SLC8B1: variants seen among roughly 807,000 people sequenced by gnomAD.
The protein encoded by SLC8B1 is mitochondrial sodium/calcium exchanger protein.
A neutral mutation model predicts 63.4 loss-of-function variants in SLC8B1; 52 were observed. That is an observed-to-expected ratio of 0.82 (90% confidence interval 0.66 to 1.03). The LOEUF is 1.03. Ranked by LOEUF, SLC8B1 falls within the 50% of genes least tolerant of loss-of-function variation. The pLI is 0.00. For synonymous variants in SLC8B1, 336 were observed against 323.9 expected, an observed-to-expected ratio of 1.04 and a Z score of -0.40; for missense variants, 657 against 741.7, an observed-to-expected ratio of 0.89 and a Z score of 1.33.
In SLC8B1 at chr12:113,299,720, C is replaced by A; in HGVS notation, c.*57G>T. Reference sequence around the variant, plus strand: ...AATGCTCCGGTCCCTGGGCCTCCCCCGGCAGGAGGGGCGGGGCTCCTGCCT... The same window carrying A: ...AATGCTCCGGTCCCTGGGCCTCCCCAGGCAGGAGGGGCGGGGCTCCTGCCT... On this transcript the variant is annotated 3_prime_UTR_variant, in exon 16 of 16. Transcript: ENST00000680972. 1.3e-6 allele frequency: 2 copies of A among 1,560,526 alleles called. No homozygotes were observed. Among genetic ancestry groups the A allele is most frequent in the South Asian group, 2.2e-5 (2 of 89,512 alleles).
At chr12:113,303,141 A>ACACACACACACACGCGCG (rs773636454) in intron 15 of SLC8B1, among the ~76,000 whole-genome samples, 10 of 145,746 alleles carry the variant, frequency 6.9e-5, no homozygotes, top group African/African-American at 2.6e-4. Context: ...ACACACACAC[A>ACACACACACACACGCGCG]CGCGCGCGCA....
Position 113,302,580 on chromosome 12 carries a change from G to A in SLC8B1, c.1557+1741C>T, listed in dbSNP as rs146885003. 2.5e-3 allele frequency: 1,145 copies of A among 454,058 alleles called. 9 individuals carry two copies. The highest frequency in any genetic ancestry group is 0.019 in the African/African-American group (970 of 50,136). 28.1% of individuals were successfully genotyped at this position (454,058 alleles called of 1,614,324 possible). A position where few individuals can be genotyped will look rare whatever the true frequency, so the allele number is the denominator to read the frequency against. Reference sequence around the variant, plus strand: ...AAAGGGACTGAAATGTCCCCTCCCCGCTTCTCTTCCTTCCACACTTAGCAG... The same window carrying A: ...AAAGGGACTGAAATGTCCCCTCCCCACTTCTCTTCCTTCCACACTTAGCAG... On this transcript the variant is annotated intron_variant, in intron 15 of 15. Transcript: ENST00000680972.
At chr12:113,316,456 G>A in intron 10 of SLC8B1, 70 bp downstream of exon 10, 1 of 1,566,516 alleles carries the variant, frequency 6.4e-7, no homozygotes, top group Non-Finnish European at 8.7e-7. Context: ...TCGTAGAGCT[G>A]GAGAGGGTAG....
intron 11 of SLC8B1, among the ~76,000 whole-genome samples, chr12:113,311,137 C>T (rs759453430): frequency 1.1e-4 from 16 of 151,792 alleles, no homozygotes; most frequent in Non-Finnish European, 1.9e-4. Flanking sequence ...CAACATGGTG[C>T]AACCCCATCT....
chr12:113,304,458 T>C lies in SLC8B1; in HGVS notation c.1493-73A>G, dbSNP rs1475724039. 37 of 1,394,788 alleles carry C rather than the reference T, an allele frequency of 2.7e-5. No homozygotes were observed. The East Asian group carries it at 5.1e-4, about 19-fold the overall frequency. The allele number at this position is 1,394,788 out of a possible 1,614,324, so 86.4% of individuals were successfully genotyped here. Reference sequence around the variant, plus strand: ...CAACCACATAGCCCGTTCCTCCTACTGTGTTCATCCCCAGGGCTTGGGATG... The same window carrying C: ...CAACCACATAGCCCGTTCCTCCTACCGTGTTCATCCCCAGGGCTTGGGATG... On this transcript the variant is annotated intron_variant, in intron 14 of 15. Transcript: ENST00000680972.
intron 1 of SLC8B1, among the ~76,000 whole-genome samples, chr12:113,334,153 T>C (rs1446695603): frequency 1.3e-5 from 2 of 152,212 alleles, no homozygotes; most frequent in African/African-American, 2.4e-5. Flanking sequence ...GTCACCACCA[T>C]GTGCCTCTTC....
intron 2 of SLC8B1, among the ~76,000 whole-genome samples, chr12:113,330,291 G>T (rs894295876): frequency 6.6e-6 from 1 of 152,210 alleles, no homozygotes; most frequent in African/African-American, 2.4e-5. Context: ...TAAGGTAAGG[G>T]GCTGGGGGGG....
chr12:113,306,446 C>A, intron 14 of SLC8B1, 49 bp downstream of exon 14: 1 of 1,494,442 alleles, frequency 6.7e-7, no homozygotes, highest in South Asian at 1.3e-5. Context: ...ACACCCCACC[C>A]ACGGCTGTGA....
At chr12:113,328,017 G>A (rs73192858) in intron 2 of SLC8B1, among the ~76,000 whole-genome samples, 17,336 of 148,500 alleles carry the variant, frequency 0.12, 1,198 homozygotes, top group African/African-American at 0.19. Context: ...CATCATCTAA[G>A]TTTTAATTAT....
At chr12:113,326,726 G>C (rs2136864371) in intron 2 of SLC8B1, among the ~76,000 whole-genome samples, 1 of 151,420 alleles carries the variant, frequency 6.6e-6, no homozygotes, top group Middle Eastern at 3.4e-3. Context: ...GCCCAGGCTG[G>C]AGTGCAGAAG....
chr12:113,306,361 C>G, intron 14 of SLC8B1, 134 bp downstream of exon 14: 1 of 659,488 alleles, frequency 1.5e-6, no homozygotes, highest in Non-Finnish European at 2.5e-6. Context: ...AGCCTTGGAG[C>G]CTGAGGCTCA....
chr12:113,320,561 C>G lies in SLC8B1; in HGVS notation c.526+20G>C, dbSNP rs376480508. 1.1e-5 allele frequency: 17 copies of G among 1,613,916 alleles called. No individual in the cohort carries two copies. Among genetic ancestry groups the G allele is most frequent in the African/African-American group, 2.7e-5 (2 of 74,944 alleles). ...CTCTCCTGCTGCTTTCCCCGCCCCC[C>G]TCACTGGGGCTGCTCTCACCAAACA... On this transcript the variant is annotated intron_variant, in intron 6 of 15. Coordinates refer to ENST00000680972, the MANE Select transcript of SLC8B1 (RefSeq NM_001358345.2). The surrounding 1 kb of genome is among the most constrained non-coding windows in gnomAD (Gnocchi z 5.3).
rs1236112536 is a variant in SLC8B1 at position 113,302,781 on chromosome 12, C to T, written c.1557+1540G>A. 6.8e-5 allele frequency: 31 copies of T among 454,850 alleles called. No homozygotes were observed. In the Middle Eastern group the frequency reaches 9.7e-4, roughly 14 times the overall value. The allele number at this position is 454,850 out of a possible 1,614,324, so 28.2% of individuals were successfully genotyped here. On this transcript the variant is annotated intron_variant, in intron 15 of 15. Coordinates refer to ENST00000680972, the MANE Select transcript of SLC8B1 (RefSeq NM_001358345.2). ...TGCAAGCTCTTAACCAATGCCTATC[C>T]TCCTCCCCATGGGATGCCATATTAC...
At chr12:113,310,206 C>A (rs192292812) in intron 12 of SLC8B1, 28 bp downstream of exon 12, 204 of 1,608,790 alleles carry the variant, frequency 1.3e-4, no homozygotes, top group South Asian at 8.7e-4. Flanking sequence ...TCCCTCCCCC[C>A]CCATCTCGGA....
chr12:113,307,962 A>T (rs1258580701), intron 12 of SLC8B1, 118 bp from the exon 13 acceptor site: 7 of 1,211,820 alleles, frequency 5.8e-6, no homozygotes, highest in Non-Finnish European at 7.9e-6. Context: ...TATTATGAGT[A>T]TAAAACACGT....
chr12:113,303,237 G>C (rs942236896), intron 15 of SLC8B1, among the ~76,000 whole-genome samples: 1 of 152,084 alleles, frequency 6.6e-6, no homozygotes, highest in Non-Finnish European at 1.5e-5. Context: ...TCATGAAAGG[G>C]AACCTATTAA....
At position 113,320,458 on chromosome 12, in the gene SLC8B1, A is replaced by G. The variant is rs371853557; in HGVS notation, c.567T>C (p.Ile189=). The G allele has an allele frequency of 9.4e-5, 152 of 1,613,996 alleles. No homozygotes were observed. In the Middle Eastern group the frequency reaches 9.9e-4, roughly 10 times the overall value. The change falls in exon 7 of 16, where the codon ATT becomes ATC. Residue 189 remains isoleucine (I), a synonymous_variant. Transcript: ENST00000680972. The surrounding 1 kb of genome is among the most constrained non-coding windows in gnomAD (Gnocchi z 5.3). ...CAGCCATGAAGGGGTGTAGGATGGTAATGCCTCCGGCCACCACTGTGGTAA... is the reference window on the plus strand; with the variant it reads ...CAGCCATGAAGGGGTGTAGGATGGTGATGCCTCCGGCCACCACTGTGGTAA... ...VLVTTVVAGG[I]TILHPFMAAS... is the part of the protein sequence containing the mutation.
chr12:113,320,537 T>A lies in SLC8B1; in HGVS notation c.527-39A>T. The A allele has an allele frequency of 6.2e-7, 1 of 1,613,828 alleles. No individual in the cohort carries two copies. Among genetic ancestry groups the A allele is most frequent in the Non-Finnish European group, 8.5e-7 (1 of 1,179,952 alleles). ...GCCAGAGCTCAGCCACCCTGCACCC[T>A]CTCCTGCTGCTTTCCCCGCCCCCCT... On this transcript the variant is annotated intron_variant, in intron 6 of 15. Coordinates refer to ENST00000680972, the MANE Select transcript of SLC8B1 (RefSeq NM_001358345.2). This position sits in a 1 kb window ranked among gnomAD's most constrained non-coding sequence, Gnocchi z 5.3.
intron 2 of SLC8B1, among the ~76,000 whole-genome samples, chr12:113,323,674 A>G: frequency 6.6e-6 from 1 of 152,016 alleles, no homozygotes; most frequent in East Asian, 1.9e-4. Context: ...ATACCACTGC[A>G]CTCCAGCCTG....
Sources: gnomAD v4.1 joint callset for allele counts (sites outside exome capture counted in the v4.1 genomes callset) on GRCh38, gnomAD v4.1.1 for gene constraint, Gnocchi (gnomAD v3.1) non-coding constraint, MANE v1.5 for transcripts, NCBI Gene and HGNC (gene_info 2026-07-23, HGNC 2026-07-21) for gene names.